Variants in CORO7 observed in about 807,000 individuals in gnomAD.
The protein encoded by CORO7 is coronin 7, also known as coronin-7.
Under a neutral mutation model 126.6 loss-of-function variants are expected in CORO7, and 107 were observed. That is an observed-to-expected ratio of 0.85 (90% CI 0.72 to 0.99). The LOEUF (loss-of-function observed/expected upper bound fraction) is 0.99, where lower values mean the gene tolerates loss of function less well. Ranked by LOEUF, CORO7 falls within the 50% of genes least tolerant of loss-of-function variation. CORO7 has a pLI of 0.00. For synonymous variants in CORO7, 603 were observed against 536.8 expected, an observed-to-expected ratio of 1.12 and a Z score of -1.70; for missense variants, 1,314 against 1,255.8, an observed-to-expected ratio of 1.05 and a Z score of -0.70.
intron 9 of CORO7, among the ~76,000 whole-genome samples, chr16:4,366,120 C>T (rs1428435350): frequency 1.3e-5 from 2 of 152,206 alleles, no homozygotes; most frequent in Non-Finnish European, 2.9e-5. Flanking sequence ...GTTAAAGTTC[C>T]TGTGTCCAAA....
At chr16:4,381,501 C>T (rs748796835) in intron 9 of CORO7, 17 of 1,591,746 alleles carry the variant, frequency 1.1e-5, no homozygotes, top group African/African-American at 4.0e-5. Context: ...AGCAGCTGGA[C>T]GAGGGGCTCT....
chr16:4,357,507 C>A (rs1341208891), intron 25 of CORO7: 1 of 436,522 alleles, frequency 2.3e-6, no homozygotes, highest in Non-Finnish European at 4.0e-6. Context: ...TTGCAGGCGC[C>A]CACCACGCCA....
At chr16:4,382,728 A>G (rs1228819398) in intron 9 of CORO7, 4 of 1,553,090 alleles carry the variant, frequency 2.6e-6, no homozygotes, top group East Asian at 2.4e-5. Flanking sequence ...AGGTGGGGCC[A>G]GGGGCTGGGC....
chr16:4,390,331 C>A (rs920304231), intron 7 of CORO7, among the ~76,000 whole-genome samples: 11 of 152,036 alleles, frequency 7.2e-5, no homozygotes, highest in African/African-American at 2.7e-4. Flanking sequence ...TGCTGAAGGA[C>A]CTACTTTTGA....
At chr16:4,414,705 T>C (rs1475413597) in intron 1 of CORO7, among the ~76,000 whole-genome samples, 2 of 152,168 alleles carry the variant, frequency 1.3e-5, no homozygotes, top group South Asian at 2.1e-4. Context: ...TGTAGTTCCA[T>C]GCCTATCTGT....
At position 4,388,537 on chromosome 16, in the gene CORO7, C is replaced by G; in HGVS notation, c.702+8G>C. The G allele has an allele frequency of 1.2e-6, 2 of 1,611,092 alleles. No individual in the cohort carries two copies. Among genetic ancestry groups the G allele is most frequent in the Non-Finnish European group, 1.7e-6 (2 of 1,179,182 alleles). On this transcript the variant is annotated splice_region_variant and intron_variant, in intron 8 of 27. Transcript: ENST00000251166. ...CCGTGCCCTGCTCCTCCAGGAGGAA[C>G]CCCCTACCTGGTTGAATCCAGTAGA...
chr16:4,357,746 T>C (rs938331788), intron 25 of CORO7: 10 of 698,262 alleles, frequency 1.4e-5, no homozygotes, highest in Non-Finnish European at 2.3e-5. Flanking sequence ...GACACCACAG[T>C]GTGTGCGTGT....
At chr16:4,399,467 TG>T (rs970994875) in intron 6 of CORO7, among the ~76,000 whole-genome samples, 1 of 152,096 alleles carries the variant, frequency 6.6e-6, no homozygotes, top group African/African-American at 2.4e-5. Context: ...ACACAGAAAG[TG>T]GAATGCCAAT....
rs758708331 is a variant in CORO7 at position 4,361,256 on chromosome 16, GGACA to G, written c.1688-12_1688-9del. ...TCCTGGCGTCCTCACCAGCTGCAGA[GGACA>G]GACAGGGGCTCATCATTGCTGAGCC... On this transcript the variant is annotated splice_polypyrimidine_tract_variant and intron_variant, in intron 17 of 27. Transcript: ENST00000251166. The G allele has an allele frequency of 1.2e-6, 2 of 1,612,506 alleles. No individual in the cohort carries two copies. Among genetic ancestry groups the G allele is most frequent in the Non-Finnish European group, 1.7e-6 (2 of 1,179,920 alleles).
In CORO7 at chr16:4,381,440, T is replaced by C. The variant is rs1237872787; in HGVS notation, c.785+6546A>G. ...AGCCTCCTGGCCCTGGAGCCCGGCA[T>C]CCTGGACACTGCCAACGTGGAGGCG... On this transcript the variant is annotated intron_variant, in intron 9 of 27. Transcript: ENST00000251166. The C allele has an allele frequency of 8.9e-6, 14 of 1,580,356 alleles. No homozygotes were observed. In the East Asian group the frequency reaches 3.3e-4, roughly 37 times the overall value.
intron 6 of CORO7, among the ~76,000 whole-genome samples, chr16:4,404,521 G>A (rs971551563): frequency 6.1e-4 from 93 of 152,154 alleles, no homozygotes; most frequent in African/African-American, 2.2e-3. Context: ...TCTGCTCAGA[G>A]CCCCTCTGGG....
chr16:4,384,957 T>G (rs2055141744), intron 9 of CORO7, among the ~76,000 whole-genome samples: 1 of 127,104 alleles, frequency 7.9e-6, no homozygotes, highest in Non-Finnish European at 1.7e-5. Flanking sequence ...CCGAGTGGGA[T>G]GGTGGCAGGG....
At chr16:4,395,481 C>T in intron 6 of CORO7, 142 bp from the exon 7 acceptor site, 3 of 1,018,272 alleles carry the variant, frequency 2.9e-6, no homozygotes, top group Non-Finnish European at 2.9e-6. Flanking sequence ...ACCAGGGCAT[C>T]CCTCCTCAGC....
intron 7 of CORO7, among the ~76,000 whole-genome samples, chr16:4,389,257 A>T (rs2055302698): frequency 6.6e-6 from 1 of 152,148 alleles, no homozygotes. Context: ...TGGAGCTGCC[A>T]GCAGGAAGGC....
chr16:4,380,803 C>G, intron 9 of CORO7: 1 of 1,405,394 alleles, frequency 7.1e-7, no homozygotes, highest in Non-Finnish European at 9.3e-7. Context: ...CTGGCTCTTC[C>G]TGGCGTGTCT....
chr16:4,402,536 C>T (rs565143528), intron 6 of CORO7, among the ~76,000 whole-genome samples: 21 of 152,302 alleles, frequency 1.4e-4, no homozygotes, highest in African/African-American at 3.8e-4. Context: ...CGTGAGCCAG[C>T]GACCGGCCAC....
intron 9 of CORO7, among the ~76,000 whole-genome samples, chr16:4,384,614 G>A (rs1392739937): frequency 6.6e-6 from 1 of 152,246 alleles, no homozygotes; most frequent in African/African-American, 2.4e-5. Flanking sequence ...CGCGGGTGTT[G>A]ATGTCAGTGC....
intron 7 of CORO7, among the ~76,000 whole-genome samples, chr16:4,393,196 C>G (rs1567287464): frequency 2.0e-5 from 3 of 152,174 alleles, no homozygotes; most frequent in Non-Finnish European, 4.4e-5. Flanking sequence ...GTGCCCTGGG[C>G]TCTGGAGAGG....
At chr16:4,365,886 T>C (rs1352609152) in intron 9 of CORO7, among the ~76,000 whole-genome samples, 1 of 152,128 alleles carries the variant, frequency 6.6e-6, no homozygotes, top group Non-Finnish European at 1.5e-5. Flanking sequence ...TTCGACAGCC[T>C]AGACATCAGG....
Sources: allele counts gnomAD v4.1 joint callset (sites outside exome capture counted in the v4.1 genomes callset), GRCh38; gene constraint gnomAD v4.1.1; transcripts MANE v1.5; gene names NCBI Gene and HGNC (gene_info 2026-07-23, HGNC 2026-07-21).